The following FBXL4 variants were observed in gnomAD, a reference collection of about 807,000 sequenced individuals.
FBXL4 encodes the protein F-box/LRR-repeat protein 4.
A neutral mutation model predicts 58.9 loss-of-function variants in FBXL4; 40 were observed. The observed-to-expected ratio is 0.68, with a 90% CI of 0.53 to 0.88. The LOEUF is 0.88. Among genes scored for constraint, FBXL4 ranks in the 40% least tolerant of loss-of-function variants. The pLI is 0.00. For missense variants in FBXL4, 676 were observed against 734.4 expected (o/e 0.92, Z 0.92); for synonymous variants, 263 against 265.5 (o/e 0.99, Z 0.09).
At chr6:98,939,191 T>A (rs1773339357) in intron 1 of FBXL4, among the ~76,000 whole-genome samples, 1 of 147,848 alleles carries the variant, frequency 6.8e-6, no homozygotes, top group African/African-American at 2.5e-5. Flanking sequence ...AGAGAAAGAA[T>A]CCCATTTAAG....
At chr6:98,910,883 C>T (rs1029071733) in intron 5 of FBXL4, among the ~76,000 whole-genome samples, 8 of 152,170 alleles carry the variant, frequency 5.3e-5, no homozygotes, top group African/African-American at 1.9e-4. Context: ...GGCATTGCCT[C>T]ACTTGGGAAG....
chr6:98,947,630 C>G (rs1422686746), intron 1 of FBXL4, among the ~76,000 whole-genome samples, 176 bp downstream of exon 1: 1 of 152,012 alleles, frequency 6.6e-6, no homozygotes, highest in Admixed American at 6.5e-5. Context: ...AAGCGTGAAG[C>G]GGAGGCGCGG....
At chr6:98,945,694 C>G (rs1202958643) in intron 1 of FBXL4, among the ~76,000 whole-genome samples, 1 of 152,114 alleles carries the variant, frequency 6.6e-6, no homozygotes, top group Non-Finnish European at 1.5e-5. Flanking sequence ...TCCCAGGGAA[C>G]ACTTCTACAG....
chr6:98,911,875 T>A lies in FBXL4; in HGVS notation c.858+5499A>T, dbSNP rs184320513. On this transcript the variant is annotated intron_variant, in intron 5 of 9. Coordinates refer to ENST00000369244, the MANE Select transcript of FBXL4 (RefSeq NM_001278716.2). ...AGAAGGTTTCAGACGATCAAACTACTCCGAGCTACAGGAGGAAATTCAAAC... is the reference window on the plus strand; with the variant it reads ...AGAAGGTTTCAGACGATCAAACTACACCGAGCTACAGGAGGAAATTCAAAC... Among the ~76,000 whole-genome samples the A allele has an allele frequency of 2.0e-3, 299 of 152,158 alleles. 1 individual carries two copies. The highest frequency in any genetic ancestry group is 5.1e-3 in the African/African-American group (213 of 41,528).
At position 98,873,355 on chromosome 6, in the gene FBXL4, T is replaced by G. The variant is rs1054288414; in HGVS notation, c.*923A>C. ...ATATATTATCTATAATATGTATATA[T>G]AATGTGTATATATAATATATATCTC... is the stretch of plus-strand genomic sequence containing the variant. On this transcript the variant is annotated 3_prime_UTR_variant, in exon 10 of 10. Coordinates refer to ENST00000369244, the MANE Select transcript of FBXL4 (RefSeq NM_001278716.2). 2.5e-4 allele frequency: 37 copies of G among 148,330 alleles called. No individual in the cohort carries two copies. Among genetic ancestry groups the G allele is most frequent in the African/African-American group, 8.8e-4 (36 of 40,820 alleles). The allele number at this position is 148,330 out of a possible 1,614,324, so 9.2% of individuals were successfully genotyped here.
chr6:98,902,637 A>G (rs538140722), intron 6 of FBXL4, among the ~76,000 whole-genome samples: 2 of 152,166 alleles, frequency 1.3e-5, no homozygotes, highest in Non-Finnish European at 2.9e-5. Flanking sequence ...TAGAGTAAAA[A>G]CCTACACATA....
At chr6:98,944,079 C>G (rs1237223314) in intron 1 of FBXL4, among the ~76,000 whole-genome samples, 4 of 152,046 alleles carry the variant, frequency 2.6e-5, no homozygotes, top group African/African-American at 9.7e-5. Flanking sequence ...AGGAAAATGT[C>G]CAGCAATTTG....
intron 5 of FBXL4, 60 bp downstream of exon 5, chr6:98,917,314 C>A: frequency 1.8e-6 from 2 of 1,138,944 alleles, no homozygotes; most frequent in Non-Finnish European, 2.5e-6. Context: ...ACATTAATAT[C>A]TAAAGATTAA....
intron 7 of FBXL4, among the ~76,000 whole-genome samples, chr6:98,893,211 C>G (rs1771288847): frequency 6.6e-6 from 1 of 152,176 alleles, no homozygotes; most frequent in South Asian, 2.1e-4. Flanking sequence ...TGTTAAAAAA[C>G]TTTTCTTATG....
chr6:98,945,982 A>C (rs1773606065), intron 1 of FBXL4, among the ~76,000 whole-genome samples: 1 of 152,230 alleles, frequency 6.6e-6, no homozygotes, highest in Non-Finnish European at 1.5e-5. Context: ...AATAACTGGC[A>C]GGAAAATTTT....
chr6:98,946,628 T>G lies in FBXL4; in HGVS notation c.-309+1178A>C, dbSNP rs577330221. Among the ~76,000 whole-genome samples the G allele has an allele frequency of 2.6e-5, 4 of 152,296 alleles. No homozygotes were observed. The South Asian group carries it at 8.3e-4, about 32-fold the overall frequency. ...AAGAAATTATCCATCTTACAATGAG[T>G]TGACTTATCTGATTTTCAAATAACA... On this transcript the variant is annotated intron_variant, in intron 1 of 9. Transcript: ENST00000369244.
At chr6:98,943,158 T>C (rs1208217216) in intron 1 of FBXL4, among the ~76,000 whole-genome samples, 3 of 152,136 alleles carry the variant, frequency 2.0e-5, no homozygotes, top group Admixed American at 6.5e-5. Context: ...GGTGTTACCA[T>C]AGGTGGAAAC....
chr6:98,915,935 AAT>A (rs1338213998), intron 5 of FBXL4, among the ~76,000 whole-genome samples: 3 of 152,170 alleles, frequency 2.0e-5, no homozygotes, highest in Non-Finnish European at 2.9e-5. Flanking sequence ...ACTAAGGGCT[AAT>A]ATCCAGAATC....
chr6:98,899,795 A>AAAAAAC, intron 6 of FBXL4, among the ~76,000 whole-genome samples: 1 of 152,204 alleles, frequency 6.6e-6, no homozygotes, highest in African/African-American at 2.4e-5. Flanking sequence ...TGGTAAAGCC[A>AAAAAAC]AAAAACAAAA....
intron 4 of FBXL4, among the ~76,000 whole-genome samples, chr6:98,919,833 A>G (rs1772510812): frequency 6.6e-6 from 1 of 152,160 alleles, no homozygotes; most frequent in African/African-American, 2.4e-5. Flanking sequence ...AGAAATTCAA[A>G]TTTTAGTCTT....
chr6:98,898,166 G>T (rs1582391669), intron 7 of FBXL4: 6 of 365,050 alleles, frequency 1.6e-5, no homozygotes, highest in Non-Finnish European at 2.3e-5. Context: ...ACACTGAGCT[G>T]AAAAAAGGGC....
intron 8 of FBXL4, among the ~76,000 whole-genome samples, chr6:98,878,255 TAAAATGTAATATGG>T (rs1433782839): frequency 6.6e-6 from 1 of 152,166 alleles, no homozygotes. Context: ...CAGTCAACAA[TAAAATGTAATATGG>T]AAAATGTAAT....
At chr6:98,899,019 C>T (rs1214205124) in intron 7 of FBXL4, 1 of 985,212 alleles carries the variant, frequency 1.0e-6, no homozygotes, top group African/African-American at 1.7e-5. Flanking sequence ...ATTTTTTTTC[C>T]TGGGGACATA....
At chr6:98,911,576 G>A (rs195819) in intron 5 of FBXL4, among the ~76,000 whole-genome samples, 31,864 of 152,136 alleles carry the variant, frequency 0.21, 3,479 homozygotes, top group African/African-American at 0.27. Context: ...AACAGGGTCC[G>A]GAGTGGACCT....
Sources: allele counts gnomAD v4.1 joint callset (sites outside exome capture counted in the v4.1 genomes callset), GRCh38; gene constraint gnomAD v4.1.1; transcripts MANE v1.5; gene names NCBI Gene and HGNC (gene_info 2026-07-23, HGNC 2026-07-21).